KCNIP1: variants seen among roughly 807,000 people sequenced by gnomAD.
The protein encoded by KCNIP1 is A-type potassium channel modulatory protein KCNIP1.
Under a neutral mutation model 33.0 loss-of-function variants are expected in KCNIP1, and 18 were observed. The ratio of observed to expected loss-of-function variants is 0.55; its 90% CI spans 0.38 to 0.81. The LOEUF is 0.81. KCNIP1 is among the 30% of genes least tolerant of loss of function. The probability of loss-of-function intolerance (pLI) is 0.00; values close to 1 mark genes in which losing one functional copy is unlikely to be tolerated. For missense variants in KCNIP1, 238 were observed against 271.6 expected (o/e 0.88, Z 0.87); for synonymous variants, 93 against 98.3 (o/e 0.95, Z 0.32).
At chr5:170,398,743 G>A (rs903235784) in intron 1 of KCNIP1, among the ~76,000 whole-genome samples, 2 of 152,210 alleles carry the variant, frequency 1.3e-5, no homozygotes, top group African/African-American at 4.8e-5. Context: ...GGCTCCAGGG[G>A]CTGAATGCCC....
intron 1 of KCNIP1, among the ~76,000 whole-genome samples, chr5:170,413,966 T>C (rs1343644455): frequency 6.9e-6 from 1 of 144,918 alleles, no homozygotes; most frequent in East Asian, 2.0e-4. Context: ...AAGTTGAAGA[T>C]GGGAAAGAGG....
intron 1 of KCNIP1, among the ~76,000 whole-genome samples, chr5:170,675,598 C>A (rs1762103130): frequency 6.6e-6 from 1 of 152,170 alleles, no homozygotes; most frequent in African/African-American, 2.4e-5. Flanking sequence ...TCCAGCCTGG[C>A]AACAGAGCAA....
chr5:170,360,474 A>G (rs1763477402), intron 1 of KCNIP1, among the ~76,000 whole-genome samples: 1 of 152,154 alleles, frequency 6.6e-6, no homozygotes, highest in Non-Finnish European at 1.5e-5. Flanking sequence ...CAGGCACAGG[A>G]CCTGGCTCAT....
At chr5:170,449,853 G>T (rs1298134582) in intron 1 of KCNIP1, among the ~76,000 whole-genome samples, 1 of 152,016 alleles carries the variant, frequency 6.6e-6, no homozygotes, top group Non-Finnish European at 1.5e-5. Flanking sequence ...AGGGCCTGGG[G>T]TCTCTACTTG....
intron 1 of KCNIP1, among the ~76,000 whole-genome samples, chr5:170,366,226 A>G (rs1332230958): frequency 6.6e-6 from 1 of 152,226 alleles, no homozygotes; most frequent in Non-Finnish European, 1.5e-5. Context: ...CCCCACTCCC[A>G]GCCCACACTC....
At chr5:170,585,849 T>A (rs1757968866) in intron 1 of KCNIP1, among the ~76,000 whole-genome samples, 1 of 152,218 alleles carries the variant, frequency 6.6e-6, no homozygotes, top group Admixed American at 6.5e-5. Context: ...CTCCCAGCCC[T>A]GGCCGTGCTT....
chr5:170,663,506 G>A (rs1761578455), intron 1 of KCNIP1, among the ~76,000 whole-genome samples: 1 of 152,148 alleles, frequency 6.6e-6, no homozygotes, highest in African/African-American at 2.4e-5. Context: ...AAGACAAGGA[G>A]TTTGGGCACT....
intron 1 of KCNIP1, among the ~76,000 whole-genome samples, chr5:170,428,069 C>G (rs1755651608): frequency 6.6e-6 from 1 of 152,224 alleles, no homozygotes; most frequent in Admixed American, 6.5e-5. Flanking sequence ...TCCCTGCCCA[C>G]CTGTTTCCTT....
At chr5:170,657,899 C>T (rs1339494281) in intron 1 of KCNIP1, among the ~76,000 whole-genome samples, 3 of 152,144 alleles carry the variant, frequency 2.0e-5, no homozygotes, top group Non-Finnish European at 4.4e-5. Context: ...AATATAATAC[C>T]CAGGCTATGG....
At position 170,561,709 on chromosome 5, in the gene KCNIP1, G is replaced by A. The variant is rs946683481; in HGVS notation, c.61+57076G>A. Reference sequence around the variant, plus strand: ...CACACACGGTGCCTGGCACACAGTAGGTACACAAGGTAGTCTATTCAGTTC... The same window carrying A: ...CACACACGGTGCCTGGCACACAGTAAGTACACAAGGTAGTCTATTCAGTTC... On this transcript the variant is annotated intron_variant, in intron 1 of 7. Coordinates refer to ENST00000328939, the MANE Select transcript of KCNIP1 (RefSeq NM_014592.4). Among the ~76,000 whole-genome samples the A allele has an allele frequency of 2.0e-5, 3 of 152,348 alleles. No individual in the cohort carries two copies. The East Asian group carries it at 5.8e-4, about 29-fold the overall frequency.
At chr5:170,590,849 G>C (rs906078124) in intron 1 of KCNIP1, among the ~76,000 whole-genome samples, 4 of 152,168 alleles carry the variant, frequency 2.6e-5, no homozygotes, top group Non-Finnish European at 5.9e-5. Flanking sequence ...ATGCATGCAG[G>C]CTCCTTCCAT....
At chr5:170,703,158 G>C (rs1281352717) in intron 1 of KCNIP1, among the ~76,000 whole-genome samples, 1 of 137,108 alleles carries the variant, frequency 7.3e-6, no homozygotes, top group Non-Finnish European at 1.5e-5. Flanking sequence ...CATTGCTTGG[G>C]ACCCCAAAAA....
At chr5:170,686,242 AG>A (rs1762534258) in intron 1 of KCNIP1, among the ~76,000 whole-genome samples, 1 of 152,204 alleles carries the variant, frequency 6.6e-6, no homozygotes, top group South Asian at 2.1e-4. Flanking sequence ...CTCTCCAGAG[AG>A]AAAGGAGGAG....
chr5:170,443,905 G>A (rs768287717), intron 1 of KCNIP1, among the ~76,000 whole-genome samples: 2 of 152,208 alleles, frequency 1.3e-5, no homozygotes, highest in Non-Finnish European at 2.9e-5. Flanking sequence ...GGGCAGGGGT[G>A]GGGGCTGGGG....
chr5:170,544,528 T>G (rs1756339401), intron 1 of KCNIP1, among the ~76,000 whole-genome samples: 1 of 152,146 alleles, frequency 6.6e-6, no homozygotes, highest in African/African-American at 2.4e-5. Context: ...TTTTAGTCAT[T>G]TATATTTACT....
intron 1 of KCNIP1, chr5:170,353,981 TG>T: frequency 6.2e-7 from 1 of 1,610,250 alleles, no homozygotes; most frequent in South Asian, 1.1e-5. Flanking sequence ...AAACTGGCCT[TG>T]ACCCTTGCTT....
chr5:170,714,625 C>A (rs1184905931), intron 1 of KCNIP1, among the ~76,000 whole-genome samples: 1 of 151,886 alleles, frequency 6.6e-6, no homozygotes, highest in Non-Finnish European at 1.5e-5. Flanking sequence ...GGTTCCTGAC[C>A]CTGTGTGGGC....
At chr5:170,712,859 G>C in intron 1 of KCNIP1, 1 of 1,613,832 alleles carries the variant, frequency 6.2e-7, no homozygotes, top group Non-Finnish European at 8.5e-7. Flanking sequence ...CCTAGACATC[G>C]CCTGGTGGTA....
chr5:170,472,358 T>C (rs1355802907), intron 1 of KCNIP1, among the ~76,000 whole-genome samples: 1 of 152,182 alleles, frequency 6.6e-6, no homozygotes, highest in Non-Finnish European at 1.5e-5. Context: ...GTCCTGTAGG[T>C]CCGCCCGCCT....
Sources: gnomAD v4.1 joint callset for allele counts (sites outside exome capture counted in the v4.1 genomes callset) on GRCh38, gnomAD v4.1.1 for gene constraint, MANE v1.5 for transcripts, NCBI Gene and HGNC (gene_info 2026-07-23, HGNC 2026-07-21) for gene names.